The following GPC6 variants were observed in gnomAD, a reference collection of about 807,000 sequenced individuals.
GPC6 encodes the protein glypican 6, also known as glypican-6.
Under a neutral mutation model 55.2 loss-of-function variants are expected in GPC6, and 14 were observed. That is an observed-to-expected ratio of 0.25 (90% confidence interval 0.17 to 0.40). The LOEUF is 0.40. Among genes scored for constraint, GPC6 ranks in the 10% least tolerant of loss-of-function variants. The pLI is 1.00. For missense variants in GPC6, 641 were observed against 708.5 expected, an observed-to-expected ratio of 0.90 and a Z score of 1.08; for synonymous variants, 278 against 259.6, an observed-to-expected ratio of 1.07 and a Z score of -0.68.
At chr13:93,831,110 T>A (rs1296546428) in intron 3 of GPC6, among the ~76,000 whole-genome samples, 1 of 152,212 alleles carries the variant, frequency 6.6e-6, no homozygotes, top group African/African-American at 2.4e-5. Context: ...GAGTACCAAG[T>A]ATAGATTCTC....
intron 3 of GPC6, among the ~76,000 whole-genome samples, chr13:93,932,912 A>G (rs2140356115): frequency 6.6e-6 from 1 of 151,114 alleles, no homozygotes; most frequent in Middle Eastern, 3.4e-3. Context: ...GAAGTCCAAA[A>G]TGAGTCTTAT....
intron 2 of GPC6, among the ~76,000 whole-genome samples, chr13:93,715,039 G>A (rs1011452525): frequency 6.6e-6 from 1 of 151,600 alleles, no homozygotes; most frequent in Non-Finnish European, 1.5e-5. Flanking sequence ...CTTGGTTCCA[G>A]ATGGTTTAGG....
chr13:94,321,355 T>C (rs1414120714), intron 6 of GPC6, among the ~76,000 whole-genome samples: 2 of 152,208 alleles, frequency 1.3e-5, no homozygotes, highest in African/African-American at 4.8e-5. Context: ...TTTGCTATTA[T>C]GAATTTTGCT....
chr13:93,450,851 T>G (rs768747137), intron 1 of GPC6: 4 of 220,178 alleles, frequency 1.8e-5, no homozygotes, highest in Non-Finnish European at 3.1e-5. Context: ...TTGGCATACA[T>G]AGAAGAGTTA....
intron 1 of GPC6, among the ~76,000 whole-genome samples, chr13:93,524,209 CTT>C (rs1032850882): frequency 1.3e-5 from 2 of 151,928 alleles, no homozygotes; most frequent in African/African-American, 4.8e-5. Flanking sequence ...TAAAGGGTAA[CTT>C]TGAGAGGTTT....
intron 6 of GPC6, among the ~76,000 whole-genome samples, chr13:94,362,333 A>G (rs79234828): frequency 6.6e-6 from 1 of 152,352 alleles, no homozygotes; most frequent in East Asian, 1.9e-4. Flanking sequence ...TTGTACAGTC[A>G]GAAAAAGTAT....
At chr13:93,838,167 A>G (rs1007722045) in intron 3 of GPC6, among the ~76,000 whole-genome samples, 5 of 152,218 alleles carry the variant, frequency 3.3e-5, no homozygotes, top group Non-Finnish European at 7.3e-5. Context: ...AACAGAGGGA[A>G]AAACAATGAA....
chr13:94,243,886 G>C (rs1040594511), intron 4 of GPC6, among the ~76,000 whole-genome samples: 2 of 152,112 alleles, frequency 1.3e-5, no homozygotes, highest in African/African-American at 4.8e-5. Context: ...TGCCATGTAG[G>C]CTGGACAGGA....
chr13:93,926,350 C>A (rs1248655753), intron 3 of GPC6, among the ~76,000 whole-genome samples: 1 of 152,080 alleles, frequency 6.6e-6, no homozygotes, highest in Non-Finnish European at 1.5e-5. Context: ...AAAGAATATG[C>A]TAGAAATAGA....
chr13:93,434,792 C>G (rs1448597227), intron 1 of GPC6, among the ~76,000 whole-genome samples: 1 of 151,852 alleles, frequency 6.6e-6, no homozygotes, highest in Admixed American at 6.6e-5. Flanking sequence ...CTGCAATCCC[C>G]ACCTCCAGGG....
intron 4 of GPC6, among the ~76,000 whole-genome samples, chr13:94,212,099 T>C (rs756644592): frequency 8.5e-5 from 13 of 152,218 alleles, no homozygotes; most frequent in Non-Finnish European, 2.9e-5. Flanking sequence ...GCCCATCGAC[T>C]AAACATGGTA....
At chr13:94,095,961 A>G (rs1885640876) in intron 4 of GPC6, among the ~76,000 whole-genome samples, 1 of 152,200 alleles carries the variant, frequency 6.6e-6, no homozygotes, top group African/African-American at 2.4e-5. Flanking sequence ...TCTGATCACT[A>G]AGAATGCCAC....
chr13:94,385,951 T>G (rs1880383348), intron 7 of GPC6, among the ~76,000 whole-genome samples: 1 of 152,234 alleles, frequency 6.6e-6, no homozygotes, highest in Admixed American at 6.5e-5. Context: ...AAAGTTACTT[T>G]TATCACCTAT....
chr13:93,882,226 C>T (rs1875034966), intron 3 of GPC6, among the ~76,000 whole-genome samples: 1 of 151,984 alleles, frequency 6.6e-6, no homozygotes, highest in Non-Finnish European at 1.5e-5. Context: ...ATGATCTCAA[C>T]TCACTGCAGC....
intron 3 of GPC6, among the ~76,000 whole-genome samples, chr13:93,886,489 A>C (rs1875332668): frequency 6.6e-6 from 1 of 151,988 alleles, no homozygotes; most frequent in African/African-American, 2.4e-5. Context: ...TAAGGTAAAA[A>C]ACGAAAAAAA....
chr13:93,395,863 T>C (rs1048973476), intron 1 of GPC6: 6 of 152,284 alleles, frequency 3.9e-5, no homozygotes, highest in Non-Finnish European at 5.9e-5. Context: ...ACTTCAACAA[T>C]GTGGGCAGAA....
intron 6 of GPC6, among the ~76,000 whole-genome samples, chr13:94,314,807 G>A (rs1270173361): frequency 6.6e-6 from 1 of 152,172 alleles, no homozygotes; most frequent in Non-Finnish European, 1.5e-5. Context: ...TGTATTTGCT[G>A]TATAATCAAT....
At chr13:94,317,597 G>T (rs1876605417) in intron 6 of GPC6, among the ~76,000 whole-genome samples, 1 of 152,210 alleles carries the variant, frequency 6.6e-6, no homozygotes, top group African/African-American at 2.4e-5. Context: ...CAAGGAACAA[G>T]AAGTATTTCA....
chr13:93,702,556 T>C (rs1882708826), intron 2 of GPC6, among the ~76,000 whole-genome samples: 1 of 152,028 alleles, frequency 6.6e-6, no homozygotes. Context: ...TGATTTTTCC[T>C]CTCCAGCTGT....
Sources: gnomAD v4.1 joint callset for allele counts (sites outside exome capture counted in the v4.1 genomes callset) on GRCh38, gnomAD v4.1.1 for gene constraint, MANE v1.5 for transcripts, NCBI Gene and HGNC (gene_info 2026-07-23, HGNC 2026-07-21) for gene names.